PCDH15: variants seen among roughly 807,000 people sequenced by gnomAD.
The protein encoded by PCDH15 is protocadherin related 15, also known as protocadherin-15.
PCDH15 carries 129 observed loss-of-function variants against 178.5 expected under a neutral mutation model. The ratio of observed to expected loss-of-function variants is 0.72; its 90% confidence interval spans 0.63 to 0.84. PCDH15 has a LOEUF of 0.84. PCDH15 is among the 40% of genes least tolerant of loss of function. The pLI, the probability that PCDH15 is intolerant of heterozygous loss-of-function variation, is 0.00. For missense variants in PCDH15, 2,230 were observed against 2,099.9 expected (o/e 1.06, Z -1.21); for synonymous variants, 800 against 732.0 (o/e 1.09, Z -1.50).
chr10:54,237,407 A>G (rs991868419), intron 8 of PCDH15, among the ~76,000 whole-genome samples: 1 of 152,142 alleles, frequency 6.6e-6, no homozygotes, highest in African/African-American at 2.4e-5. Context: ...TAAAAGTCAC[A>G]TTATTGCAAA....
intron 1 of PCDH15, among the ~76,000 whole-genome samples, chr10:55,314,544 T>C (rs927327910): frequency 6.7e-6 from 1 of 149,476 alleles, no homozygotes; most frequent in African/African-American, 2.5e-5. Flanking sequence ...GTCGCCACAA[T>C]ATTCGTCATT....
chr10:54,321,916 C>T (rs1392217418), intron 7 of PCDH15, among the ~76,000 whole-genome samples: 1 of 151,934 alleles, frequency 6.6e-6, no homozygotes. Context: ...CATTTTATCA[C>T]CAACACATAT....
chr10:53,897,497 C>G (rs560025161), intron 26 of PCDH15, among the ~76,000 whole-genome samples: 17 of 151,648 alleles, frequency 1.1e-4, no homozygotes, highest in African/African-American at 4.1e-4. Flanking sequence ...AAAAGTGATG[C>G]CCTCTCTCCT....
At chr10:54,753,307 C>A (rs1258633684) in intron 1 of PCDH15, among the ~76,000 whole-genome samples, 1 of 152,060 alleles carries the variant, frequency 6.6e-6, no homozygotes, top group Non-Finnish European at 1.5e-5. Context: ...CCTCAGCCTC[C>A]TGAGCAGCTG....
intron 3 of PCDH15, among the ~76,000 whole-genome samples, chr10:54,438,840 A>T (rs1241817969): frequency 3.3e-5 from 5 of 152,080 alleles, no homozygotes; most frequent in Admixed American, 1.3e-4. Flanking sequence ...TCTCCTCACA[A>T]AAGAGAAAAT....
intron 3 of PCDH15, among the ~76,000 whole-genome samples, chr10:54,476,989 T>G (rs1176957428): frequency 6.6e-6 from 1 of 152,158 alleles, no homozygotes; most frequent in Non-Finnish European, 1.5e-5. Flanking sequence ...AACTTCCTTC[T>G]TTGCCTCCAG....
chr10:54,783,665 A>C (rs1185715140), intron 1 of PCDH15, among the ~76,000 whole-genome samples: 1 of 152,096 alleles, frequency 6.6e-6, no homozygotes, highest in African/African-American at 2.4e-5. Context: ...GATTCAACCC[A>C]GAGGGTTTTC....
chr10:54,677,870 A>T (rs899153307), intron 1 of PCDH15, among the ~76,000 whole-genome samples: 1 of 152,218 alleles, frequency 6.6e-6, no homozygotes. Flanking sequence ...TGACATTTGT[A>T]TGATCAGAGC....
At chr10:55,109,736 A>G (rs1837450115) in intron 2 of PCDH15, among the ~76,000 whole-genome samples, 1 of 152,062 alleles carries the variant, frequency 6.6e-6, no homozygotes, top group Non-Finnish European at 1.5e-5. Flanking sequence ...CCTATTTTTG[A>G]TTCATTCAGT....
intron 2 of PCDH15, among the ~76,000 whole-genome samples, chr10:55,326,597 T>C (rs1844037470): frequency 6.6e-6 from 1 of 151,918 alleles, no homozygotes; most frequent in Non-Finnish European, 1.5e-5. Context: ...TAATACATAG[T>C]TTAAATAGTA....
At chr10:55,271,580 T>C (rs879536884) in intron 1 of PCDH15, among the ~76,000 whole-genome samples, 3 of 152,082 alleles carry the variant, frequency 2.0e-5, no homozygotes, top group African/African-American at 7.3e-5. Flanking sequence ...TTATTGTTTG[T>C]AGCTTCCAGC....
chr10:54,823,081 C>T (rs554427156), intron 3 of PCDH15, among the ~76,000 whole-genome samples: 5 of 151,964 alleles, frequency 3.3e-5, no homozygotes, highest in African/African-American at 1.2e-4. Flanking sequence ...GGGGTTTCAC[C>T]ATGTTGGCCA....
At chr10:54,594,376 G>T (rs900226651) in intron 2 of PCDH15, among the ~76,000 whole-genome samples, 3 of 152,114 alleles carry the variant, frequency 2.0e-5, no homozygotes, top group East Asian at 3.9e-4. Context: ...CTGTAGAGCA[G>T]TCTTGCCCAT....
At chr10:55,143,693 T>C (rs1398030241) in intron 2 of PCDH15, among the ~76,000 whole-genome samples, 6 of 152,128 alleles carry the variant, frequency 3.9e-5, no homozygotes, top group African/African-American at 1.2e-4. Flanking sequence ...TAGAGACCAG[T>C]AATTGCATAG....
At position 54,933,120 on chromosome 10, in the gene PCDH15, A is replaced by T. The variant is rs1837823444; in HGVS notation, c.-79-35620T>A. 1.3e-5 allele frequency among the ~76,000 whole-genome samples: 2 copies of T among 152,214 alleles called. 1 individual carries two copies. Among genetic ancestry groups the T allele is most frequent in the South Asian group, 4.1e-4 (2 of 4,836 alleles). ...GTTTATAGACTATGAGCAATAAATT[A>T]TACCATATAGCCTATGTGTGTAGAC... is the stretch of plus-strand genomic sequence containing the variant. On this transcript the variant is annotated intron_variant, in intron 2 of 5. Transcript: ENST00000458638.
intron 1 of PCDH15, among the ~76,000 whole-genome samples, chr10:55,256,283 A>G (rs1340392884): frequency 6.6e-6 from 1 of 152,190 alleles, no homozygotes; most frequent in Non-Finnish European, 1.5e-5. Flanking sequence ...TCCAGTCTAC[A>G]GCTCCCAGTG....
chr10:54,388,389 A>G (rs941895729), intron 3 of PCDH15, among the ~76,000 whole-genome samples: 3 of 152,188 alleles, frequency 2.0e-5, no homozygotes, highest in Non-Finnish European at 4.4e-5. Context: ...AAGATCATTA[A>G]GTAAGATAGG....
rs761431484 is a variant in PCDH15, at chr10:53,809,088, T to C, written c.4671+1468A>G. On this transcript the variant is annotated intron_variant, in intron 37 of 37. Transcript: ENST00000644397. The stretch of plus-strand genomic sequence containing the variant: ...TTGCAAGCACAATGTTTTTCCTTGC[T>C]TTTTCTCCTTCTGACTCTGTGGATT... The C allele has an allele frequency of 1.9e-5, 30 of 1,613,902 alleles. No individual in the cohort carries two copies. The African/African-American group carries it at 2.9e-4, about 16-fold the overall frequency.
At chr10:55,376,474 C>A (rs190967140) in intron 2 of PCDH15, among the ~76,000 whole-genome samples, 1 of 152,148 alleles carries the variant, frequency 6.6e-6, no homozygotes, top group Admixed American at 6.5e-5. Flanking sequence ...GCAATGATTT[C>A]TTTCTACAAG....
Sources: allele counts gnomAD v4.1 joint callset (sites outside exome capture counted in the v4.1 genomes callset), GRCh38; gene constraint gnomAD v4.1.1; transcripts MANE v1.5; gene names NCBI Gene and HGNC (gene_info 2026-07-23, HGNC 2026-07-21).